The following PCNX1 variants were observed in gnomAD, a reference collection of about 807,000 sequenced individuals.
PCNX1 encodes the protein pecanex 1, also known as pecanex-like protein 1.
PCNX1 carries 78 observed loss-of-function variants against 242.2 expected under a neutral mutation model. The ratio of observed to expected loss-of-function variants is 0.32; its 90% CI spans 0.27 to 0.39. PCNX1 has a LOEUF of 0.39. Among genes scored for constraint, PCNX1 ranks in the 10% least tolerant of loss-of-function variants. The pLI, the probability that PCNX1 is intolerant of heterozygous loss-of-function variation, is 1.00. For missense variants in PCNX1, 2,581 were observed against 2,856.5 expected (o/e 0.90, Z 2.20); for synonymous variants, 1,024 against 1,032.9 (o/e 0.99, Z 0.17).
At chr14:70,955,661 T>C (rs913351033) in intron 2 of PCNX1, among the ~76,000 whole-genome samples, 5 of 152,232 alleles carry the variant, frequency 3.3e-5, no homozygotes, top group Non-Finnish European at 5.9e-5. Context: ...ACTTTGCTAC[T>C]GTGAGAATTA....
chr14:70,946,802 C>T, intron 1 of PCNX1, 113 bp from the exon 2 acceptor site: 1 of 789,558 alleles, frequency 1.3e-6, no homozygotes, highest in South Asian at 1.9e-5. Context: ...GCGCTAGTAA[C>T]ATAGTTGTTG....
rs144091540 is a variant in PCNX1 at position 71,045,066 on chromosome 14, A to C, written c.3868-67A>C. On this transcript the variant is annotated intron_variant, in intron 19 of 35. Transcript: ENST00000304743. The stretch of plus-strand genomic sequence containing the variant: ...TTATCAGATGGAAAATTGAACTGAC[A>C]AATTAGAATTTCTACAATGAGTCTC... The C allele has an allele frequency of 4.6e-5, 55 of 1,189,724 alleles. No homozygotes were observed. In the East Asian group the frequency reaches 1.4e-3, roughly 29 times the overall value. 73.7% of individuals were successfully genotyped at this position (1,189,724 alleles called of 1,614,324 possible).
At position 71,090,398 on chromosome 14, in the gene PCNX1, C is replaced by T. The variant is rs890472705; in HGVS notation, c.5589+1056C>T. ...CTCAAATCTAATTGAATCTTTTGCCCCCAAATAAAAGGTGACTTACTCTTC... is the reference window on the plus strand; with the variant it reads ...CTCAAATCTAATTGAATCTTTTGCCTCCAAATAAAAGGTGACTTACTCTTC... On this transcript the variant is annotated intron_variant, in intron 30 of 35. Coordinates refer to ENST00000304743, the MANE Select transcript of PCNX1 (RefSeq NM_014982.3). Among the ~76,000 whole-genome samples, 5 of 152,020 alleles carry T rather than the reference C, an allele frequency of 3.3e-5. No homozygotes were observed. The South Asian group carries it at 1.0e-3, about 32-fold the overall frequency.
At chr14:71,020,573 T>G (rs2060073896) in intron 12 of PCNX1, among the ~76,000 whole-genome samples, 1 of 152,228 alleles carries the variant, frequency 6.6e-6, no homozygotes, top group Non-Finnish European at 1.5e-5. Context: ...CACATAAATG[T>G]CTTTTGAGAA....
chr14:70,978,412 G>A lies in PCNX1; in HGVS notation c.2075G>A (p.Ser692Asn). ...GCCAAGACTCGTGCCCGAGTGTTGA[G>A]CCTGGACAGTGGCACAGTAGCATGT... ...NSAKTRARVL[S>N]LDSGTVACLN... The change falls in exon 6 of 36, where the codon AGC becomes AAC. Residue 692 changes from serine to asparagine, a missense_variant. Transcript: ENST00000304743. 6.2e-7 allele frequency: 1 copy of A among 1,614,208 alleles called. No individual in the cohort carries two copies. Among genetic ancestry groups the A allele is most frequent in the Non-Finnish European group, 8.5e-7 (1 of 1,180,040 alleles).
intron 25 of PCNX1, among the ~76,000 whole-genome samples, chr14:71,056,650 A>G (rs916711914): frequency 1.3e-5 from 2 of 151,956 alleles, no homozygotes; most frequent in South Asian, 4.2e-4. Flanking sequence ...TAATTTATTA[A>G]GTGATGTTTA....
chr14:71,065,671 T>C (rs900756925), intron 26 of PCNX1, among the ~76,000 whole-genome samples: 10 of 152,226 alleles, frequency 6.6e-5, no homozygotes, highest in Admixed American at 6.5e-5. Flanking sequence ...GTTGGTGTTA[T>C]AGTTGTGAAG....
Position 71,110,232 on chromosome 14 carries a change from G to GCATT in PCNX1, c.*298_*299insATTC, listed in dbSNP as rs2062730017. On this transcript the variant is annotated 3_prime_UTR_variant, in exon 36 of 36. Transcript: ENST00000304743. ...TTAAAAAAAGTTTTTCCTATGCATT[G>GCATT]CCTATGCTTTAAATCAACAAACTCT... 1.3e-5 allele frequency: 5 copies of GCATT among 390,032 alleles called. No homozygotes were observed. The highest frequency in any genetic ancestry group is 1.9e-5 in the Non-Finnish European group (4 of 207,004). The allele number at this position is 390,032 out of a possible 1,614,324, so 24.2% of individuals were successfully genotyped here. A position where few individuals can be genotyped will look rare whatever the true frequency, so the allele number is the denominator to read the frequency against.
intron 3 of PCNX1, among the ~76,000 whole-genome samples, chr14:70,964,604 C>A (rs1321232228): frequency 6.6e-6 from 1 of 152,166 alleles, no homozygotes; most frequent in Non-Finnish European, 1.5e-5. Flanking sequence ...TTTCTCCAAT[C>A]ATCTTTTGGA....
chr14:71,067,491 T>C (rs2061477621), intron 26 of PCNX1, among the ~76,000 whole-genome samples: 1 of 152,190 alleles, frequency 6.6e-6, no homozygotes, highest in South Asian at 2.1e-4. Context: ...GTCCATTTGA[T>C]TCTGCTCTCT....
intron 22 of PCNX1, among the ~76,000 whole-genome samples, chr14:71,049,857 A>G (rs1566747379): frequency 6.6e-6 from 1 of 152,220 alleles, no homozygotes; most frequent in Non-Finnish European, 1.5e-5. Flanking sequence ...ATCTTGGACA[A>G]GTACAGCAAC....
intron 13 of PCNX1, among the ~76,000 whole-genome samples, chr14:71,025,292 G>A (rs556328352): frequency 3.9e-5 from 6 of 152,244 alleles, no homozygotes; most frequent in Middle Eastern, 3.4e-3. Flanking sequence ...AGTCCATCAC[G>A]CAGCTTTCTG....
chr14:70,988,555 G>C lies in PCNX1; in HGVS notation c.2312-12G>C, dbSNP rs772038809. ...CTAGGCTCTTGTTTGACCTAAGTCT[G>C]TCTTGATGCAGCAGCACAAGCCAGC... On this transcript the variant is annotated splice_polypyrimidine_tract_variant and intron_variant, in intron 6 of 35. Transcript: ENST00000304743. 6.2e-7 allele frequency: 1 copy of C among 1,613,260 alleles called. No individual in the cohort carries two copies. Among genetic ancestry groups the C allele is most frequent in the Non-Finnish European group, 8.5e-7 (1 of 1,179,344 alleles).
At chr14:70,951,164 C>T (rs925792950) in intron 2 of PCNX1, among the ~76,000 whole-genome samples, 1 of 151,644 alleles carries the variant, frequency 6.6e-6, no homozygotes, top group African/African-American at 2.4e-5. Flanking sequence ...AATTTTTTCC[C>T]TGTAAATTTA....
intron 1 of PCNX1, among the ~76,000 whole-genome samples, chr14:70,936,243 T>G (rs531608607): frequency 6.6e-6 from 1 of 152,200 alleles, no homozygotes; most frequent in Non-Finnish European, 1.5e-5. Flanking sequence ...AACTCGTCAT[T>G]TACATTAGGT....
At chr14:71,079,062 A>G (rs2061786986) in intron 28 of PCNX1, among the ~76,000 whole-genome samples, 2 of 151,984 alleles carry the variant, frequency 1.3e-5, no homozygotes, top group African/African-American at 4.8e-5. Context: ...ATGTGTTCTC[A>G]TTGTTCAACT....
At chr14:71,095,739 C>G (rs1266098209) in intron 30 of PCNX1, among the ~76,000 whole-genome samples, 1 of 152,092 alleles carries the variant, frequency 6.6e-6, no homozygotes, top group African/African-American at 2.4e-5. Context: ...TACAGAGGCA[C>G]CTCACAGTTT....
chr14:71,114,127 C>G lies in PCNX1; in HGVS notation c.*4192C>G, dbSNP rs1222199404. 1 of 152,132 alleles carries G rather than the reference C, an allele frequency of 6.6e-6. No homozygotes were observed. The highest frequency in any genetic ancestry group is 1.5e-5 in the Non-Finnish European group (1 of 68,036). The allele number at this position is 152,132 out of a possible 1,614,324, so 9.4% of individuals were successfully genotyped here. On this transcript the variant is annotated 3_prime_UTR_variant, in exon 36 of 36. Coordinates refer to ENST00000304743, the MANE Select transcript of PCNX1 (RefSeq NM_014982.3). ...GGTTGGACATTCTGTTTCAGTCTTA[C>G]ATGGATATTGTTTCATTGGTGTTGA... is the stretch of plus-strand genomic sequence containing the variant.
At chr14:71,094,965 G>C (rs2062235366) in intron 30 of PCNX1, among the ~76,000 whole-genome samples, 1 of 152,126 alleles carries the variant, frequency 6.6e-6, no homozygotes, top group Non-Finnish European at 1.5e-5. Context: ...GTTATGATCT[G>C]TGCAGTATTT....
Sources: allele counts gnomAD v4.1 joint callset (sites outside exome capture counted in the v4.1 genomes callset), GRCh38; gene constraint gnomAD v4.1.1; transcripts MANE v1.5; gene names NCBI Gene and HGNC (gene_info 2026-07-23, HGNC 2026-07-21).